Variants in ELOVL5 observed in about 807,000 individuals in gnomAD.
ELOVL5 encodes very long chain fatty acid elongase 5.
A neutral mutation model predicts 38.6 loss-of-function variants in ELOVL5; 8 were observed. That is an observed-to-expected ratio of 0.21 (90% CI 0.12 to 0.37). The LOEUF is 0.37. Ranked by LOEUF, ELOVL5 falls within the 10% of genes least tolerant of loss-of-function variation. The pLI is 1.00. For synonymous variants in ELOVL5, 127 were observed against 133.7 expected (o/e 0.95, Z 0.34); for missense variants, 280 against 367.8 (o/e 0.76, Z 1.95).
At chr6:53,281,268 C>T (rs1766341733) in intron 3 of ELOVL5, among the ~76,000 whole-genome samples, 1 of 152,220 alleles carries the variant, frequency 6.6e-6, no homozygotes. Context: ...AACTACATCA[C>T]AGGACCTAAG....
Position 53,275,182 on chromosome 6 carries a change from T to C in ELOVL5, c.404A>G (p.Asn135Ser), listed in dbSNP as rs1478609927. The C allele has an allele frequency of 6.2e-7, 1 of 1,614,172 alleles. No homozygotes were observed. Among genetic ancestry groups the C allele is most frequent in the Non-Finnish European group, 8.5e-7 (1 of 1,180,016 alleles). The change falls in exon 5 of 8, where the codon AAC (asparagine) becomes AGC (serine). Residue 135 changes from asparagine to serine, a missense_variant. Asn to Ser is a conservative substitution (Grantham distance 46). Transcript: ENST00000304434. ...GTGCAGGACCGTGATCTGGTGGTTG[T>C]TCTTGCGCAGGATGAAGAAGAAAGT... ...MDTFFFILRK[N>S]NHQITVLHVY...
chr6:53,272,964 G>C (rs1351898579), intron 6 of ELOVL5, among the ~76,000 whole-genome samples: 1 of 152,150 alleles, frequency 6.6e-6, no homozygotes, highest in Admixed American at 6.5e-5. Context: ...AAACTCAGAA[G>C]AGCTGAACTT....
chr6:53,306,692 A>T (rs1767593667), intron 1 of ELOVL5, among the ~76,000 whole-genome samples: 1 of 152,202 alleles, frequency 6.6e-6, no homozygotes, highest in Non-Finnish European at 1.5e-5. Context: ...ACAACAAACG[A>T]GCATTCAGAA....
chr6:53,342,020 C>T (rs552184244), intron 1 of ELOVL5, among the ~76,000 whole-genome samples: 2 of 152,298 alleles, frequency 1.3e-5, no homozygotes, highest in East Asian at 3.9e-4. Context: ...GCTGCCAACC[C>T]AATCTGCTTC....
chr6:53,283,153 A>G (rs1409019345), intron 3 of ELOVL5, among the ~76,000 whole-genome samples: 1 of 152,228 alleles, frequency 6.6e-6, no homozygotes, highest in Non-Finnish European at 1.5e-5. Context: ...CTCTCTCACT[A>G]TAAACACAGG....
chr6:53,287,710 A>G (rs548392138), intron 3 of ELOVL5, among the ~76,000 whole-genome samples: 1 of 152,232 alleles, frequency 6.6e-6, no homozygotes, highest in Non-Finnish European at 1.5e-5. Context: ...GAAGAATGAA[A>G]GAGCCTGGTG....
chr6:53,316,610 A>G (rs1003353036), intron 1 of ELOVL5, among the ~76,000 whole-genome samples: 8 of 151,974 alleles, frequency 5.3e-5, no homozygotes, highest in Non-Finnish European at 4.4e-5. Flanking sequence ...AACGACTGCA[A>G]GAGTCCAGAT....
intron 3 of ELOVL5, among the ~76,000 whole-genome samples, chr6:53,285,102 A>G (rs1766517387): frequency 6.6e-6 from 1 of 152,212 alleles, no homozygotes; most frequent in African/African-American, 2.4e-5. Context: ...AAAGCTAGAA[A>G]TGATTAAGCT....
intron 3 of ELOVL5, among the ~76,000 whole-genome samples, chr6:53,284,640 A>G (rs1460812453): frequency 2.0e-5 from 3 of 152,232 alleles, no homozygotes; most frequent in East Asian, 3.8e-4. Context: ...TGCACTTTGT[A>G]TATATTACAG....
chr6:53,304,084 C>T (rs1179679004), intron 1 of ELOVL5, among the ~76,000 whole-genome samples: 1 of 152,218 alleles, frequency 6.6e-6, no homozygotes, highest in Non-Finnish European at 1.5e-5. Flanking sequence ...TCTGCAACTC[C>T]TTAGAGTCCA....
chr6:53,296,687 A>G (rs1395756387), intron 1 of ELOVL5, among the ~76,000 whole-genome samples: 3 of 152,176 alleles, frequency 2.0e-5, no homozygotes, highest in Non-Finnish European at 4.4e-5. Context: ...ATCTTCTAAG[A>G]TTCTATAGCT....
intron 1 of ELOVL5, among the ~76,000 whole-genome samples, chr6:53,297,349 T>C (rs6915255): frequency 0.36 from 55,197 of 152,068 alleles, 11,136 homozygotes; most frequent in African/African-American, 0.55. Flanking sequence ...AAATCAACCA[T>C]GGTCTGAAAA....
intron 1 of ELOVL5, among the ~76,000 whole-genome samples, chr6:53,298,418 G>A (rs1460756715): frequency 6.6e-6 from 1 of 152,086 alleles, no homozygotes; most frequent in Non-Finnish European, 1.5e-5. Context: ...ACAATAATCA[G>A]GTATTAAGCA....
At chr6:53,315,369 T>C (rs9367521) in intron 1 of ELOVL5, among the ~76,000 whole-genome samples, 55,044 of 151,788 alleles carry the variant, frequency 0.36, 11,048 homozygotes, top group African/African-American at 0.55. Flanking sequence ...TTTCAAAATA[T>C]GAATTGAGAG....
At chr6:53,337,563 T>C (rs936398004) in intron 1 of ELOVL5, among the ~76,000 whole-genome samples, 5 of 152,214 alleles carry the variant, frequency 3.3e-5, no homozygotes, top group African/African-American at 1.2e-4. Context: ...TATCAAGGCA[T>C]ACTCAGCTTC....
At chr6:53,330,210 G>A (rs1260054492) in intron 1 of ELOVL5, among the ~76,000 whole-genome samples, 1 of 150,014 alleles carries the variant, frequency 6.7e-6, no homozygotes, top group Non-Finnish European at 1.5e-5. Context: ...AATACTGTAG[G>A]TAACCATAAC....
intron 1 of ELOVL5, among the ~76,000 whole-genome samples, chr6:53,309,764 T>C (rs1767752021): frequency 6.6e-6 from 1 of 152,216 alleles, no homozygotes; most frequent in Non-Finnish European, 1.5e-5. Context: ...GCTGCTATGC[T>C]GCAAACAGTC....
At position 53,300,284 on chromosome 6, in the gene ELOVL5, A is replaced by G. The variant is rs115643431; in HGVS notation, c.-8-4577T>C. 5.0e-3 allele frequency among the ~76,000 whole-genome samples: 769 copies of G among 152,304 alleles called. 5 individuals carry two copies. Among genetic ancestry groups the G allele is most frequent in the African/African-American group, 0.017 (720 of 41,560 alleles). On this transcript the variant is annotated intron_variant, in intron 1 of 7. Transcript: ENST00000304434. Reference sequence around the variant, plus strand: ...ACCTCATGTTTGTCAAGGCAGCCCCATAACTAGTGTCCCTCAATACCATGT... The same window carrying G: ...ACCTCATGTTTGTCAAGGCAGCCCCGTAACTAGTGTCCCTCAATACCATGT...
intron 1 of ELOVL5, among the ~76,000 whole-genome samples, chr6:53,310,442 G>A (rs962709572): frequency 7.8e-5 from 11 of 141,450 alleles, no homozygotes; most frequent in East Asian, 4.2e-4. Flanking sequence ...GGGATTTTCC[G>A]GGATGTAAGG....
Sources: gnomAD v4.1 joint callset for allele counts (sites outside exome capture counted in the v4.1 genomes callset) on GRCh38, gnomAD v4.1.1 for gene constraint, MANE v1.5 for transcripts, NCBI Gene and HGNC (gene_info 2026-07-23, HGNC 2026-07-21) for gene names.